The following TNKS variants were observed in gnomAD, a reference collection of about 807,000 sequenced individuals.
TNKS encodes tankyrase, also known as poly [ADP-ribose] polymerase tankyrase-1.
TNKS carries 72 observed loss-of-function variants against 135.8 expected under a neutral mutation model. The ratio of observed to expected loss-of-function variants is 0.53; its 90% CI spans 0.44 to 0.64. The LOEUF is 0.64. TNKS is among the 30% of genes least tolerant of loss of function. The probability of loss-of-function intolerance (pLI) is 0.00; values close to 1 mark genes in which losing one functional copy is unlikely to be tolerated. For missense variants in TNKS, 1,769 were observed against 1,674.0 expected (o/e 1.06, Z -0.99); for synonymous variants, 849 against 649.3 (o/e 1.31, Z -4.68).
intron 12 of TNKS, chr8:9,722,400 C>G (rs1804933046): frequency 6.6e-6 from 1 of 152,176 alleles, no homozygotes; most frequent in Non-Finnish European, 1.5e-5. Flanking sequence ...CATGCTAGGT[C>G]ATTCGTAGAT....
intron 12 of TNKS, 59 bp from the exon 13 acceptor site, chr8:9,726,582 T>G: frequency 8.0e-7 from 1 of 1,249,306 alleles, no homozygotes; most frequent in South Asian, 1.7e-5. Context: ...CCAAAATCAA[T>G]GCAGTTGGAA....
At position 9,611,072 on chromosome 8, in the gene TNKS, G is replaced by A. The variant is rs568861423; in HGVS notation, c.899-4510G>A. ...AAAATCGTGTGTCCTTCTTGACATA[G>A]CTCATTTGAAAATGGTGTTTGAATT... is the stretch of plus-strand genomic sequence containing the variant. On this transcript the variant is annotated intron_variant, in intron 2 of 26. Transcript: ENST00000310430. Among the ~76,000 whole-genome samples, 53 of 152,286 alleles carry A rather than the reference G, an allele frequency of 3.5e-4. No homozygotes were observed. The East Asian group carries it at 6.6e-3, about 19-fold the overall frequency.
chr8:9,562,538 A>G lies in TNKS; in HGVS notation c.673+5926A>G, dbSNP rs118168780. Among the ~76,000 whole-genome samples the G allele has an allele frequency of 3.5e-3, 527 of 152,250 alleles. 5 individuals carry two copies. The East Asian group carries it at 0.039, about 11-fold the overall frequency. On this transcript the variant is annotated intron_variant, in intron 1 of 26. Coordinates refer to ENST00000310430, the MANE Select transcript of TNKS (RefSeq NM_003747.3). The stretch of plus-strand genomic sequence containing the variant: ...GCATTTTTCTATTCATTCACTTTCA[A>G]TCAATCTGCCTTTATATTTAAAGTG...
intron 3 of TNKS, among the ~76,000 whole-genome samples, chr8:9,656,539 C>A (rs1158036312): frequency 1.3e-5 from 2 of 151,928 alleles, no homozygotes; most frequent in African/African-American, 2.4e-5. Flanking sequence ...AACAGCTGAT[C>A]TCTCGGCAGA....
At chr8:9,775,997 C>T (rs1808208732) in intron 26 of TNKS, among the ~76,000 whole-genome samples, 1 of 151,778 alleles carries the variant, frequency 6.6e-6, no homozygotes, top group African/African-American at 2.4e-5. Flanking sequence ...CTCCTTTTTC[C>T]TGCTCCCACC....
At position 9,720,427 on chromosome 8, in the gene TNKS, A is replaced by T. The variant is rs1262835052; in HGVS notation, c.1803A>T (p.Ala601=). 22 of 1,613,982 alleles carry T rather than the reference A, an allele frequency of 1.4e-5. No homozygotes were observed. Among genetic ancestry groups the T allele is most frequent in the Non-Finnish European group, 1.9e-5 (22 of 1,180,004 alleles). Residue 601 remains alanine, a synonymous_variant, in exon 12 of 27, where the codon GCA becomes GCT. Transcript: ENST00000310430. ...GQTALHRAAL[A]GHLQTCRLLL... ...CTGCTTTGCATAGAGCCGCCCTAGC[A>T]GGTCACCTGCAGACCTGCCGCCTCC...
At chr8:9,590,620 C>G (rs1378948792) in intron 2 of TNKS, among the ~76,000 whole-genome samples, 1 of 152,204 alleles carries the variant, frequency 6.6e-6, no homozygotes, top group Non-Finnish European at 1.5e-5. Flanking sequence ...AATGCCTACT[C>G]TGTGCCAGAA....
chr8:9,610,092 C>T (rs1389658024), intron 2 of TNKS, among the ~76,000 whole-genome samples: 3 of 152,068 alleles, frequency 2.0e-5, no homozygotes, highest in Non-Finnish European at 4.4e-5. Context: ...CTCCTGACTT[C>T]GTGATATGCT....
intron 1 of TNKS, chr8:9,558,686 A>G (rs1209641801): frequency 6.6e-6 from 1 of 152,186 alleles, no homozygotes; most frequent in East Asian, 1.9e-4. Context: ...TTTTATGTAT[A>G]TCCAGATAAG....
At chr8:9,690,750 C>T (rs1803228576) in intron 5 of TNKS, among the ~76,000 whole-genome samples, 1 of 152,182 alleles carries the variant, frequency 6.6e-6, no homozygotes. Context: ...ACTTGAATTA[C>T]AGAAACCTTG....
At chr8:9,721,316 T>C (rs547104647) in intron 12 of TNKS, among the ~76,000 whole-genome samples, 1 of 46,294 alleles carries the variant, frequency 2.2e-5, no homozygotes, top group African/African-American at 6.0e-5. Context: ...ATATATAAAA[T>C]TATAAAATTT....
chr8:9,659,661 T>A (rs2128786588), intron 3 of TNKS, among the ~76,000 whole-genome samples: 1 of 151,850 alleles, frequency 6.6e-6, no homozygotes, highest in South Asian at 2.1e-4. Context: ...CACCCTAACA[T>A]CACAATTAAA....
chr8:9,679,141 G>C (rs188588039), intron 3 of TNKS, among the ~76,000 whole-genome samples: 1 of 152,208 alleles, frequency 6.6e-6, no homozygotes, highest in East Asian at 1.9e-4. Flanking sequence ...TGATAAAATA[G>C]AATGGGGGAA....
intron 1 of TNKS, among the ~76,000 whole-genome samples, chr8:9,579,505 A>G (rs73535813): frequency 0.013 from 1,979 of 152,118 alleles, 40 homozygotes; most frequent in East Asian, 0.095. Context: ...GTCTCGCACT[A>G]TTGCCCAGGC....
chr8:9,653,993 G>A (rs1267914618), intron 3 of TNKS, among the ~76,000 whole-genome samples: 1 of 152,138 alleles, frequency 6.6e-6, no homozygotes, highest in Non-Finnish European at 1.5e-5. Flanking sequence ...TGAGGAATAT[G>A]GCCATTAGCA....
chr8:9,708,818 G>C (rs1279572191), intron 9 of TNKS, among the ~76,000 whole-genome samples: 1 of 151,450 alleles, frequency 6.6e-6, no homozygotes, highest in Non-Finnish European at 1.5e-5. Context: ...TCTTATGTTT[G>C]CTAGATAAAT....
rs1379664259 is a variant in TNKS at position 9,758,846 on chromosome 8, C to T, written c.3154-2670C>T. ...TCAAAACAGCACACATTTTGTGAGTCAGGAGTCTATGCACAGCTTAGTTGT... is the reference window on the plus strand; with the variant it reads ...TCAAAACAGCACACATTTTGTGAGTTAGGAGTCTATGCACAGCTTAGTTGT... On this transcript the variant is annotated intron_variant, in intron 20 of 26. Transcript: ENST00000310430. 2.0e-5 allele frequency among the ~76,000 whole-genome samples: 3 copies of T among 152,220 alleles called. No individual in the cohort carries two copies. The East Asian group carries it at 5.8e-4, about 29-fold the overall frequency.
rs775243357 is a variant in TNKS, at chr8:9,776,676, C to G, written c.3924C>G (p.Tyr1308Ter). The G allele has an allele frequency of 6.2e-7, 1 of 1,613,992 alleles. No individual in the cohort carries two copies. The highest frequency in any genetic ancestry group is 8.5e-7 in the Non-Finnish European group (1 of 1,179,920). ...CATACCCAGAGTATCTTATCACTTACCAGATCATGAAGCCAGAAGCCCCTT... is the reference window on the plus strand; with the variant it reads ...CATACCCAGAGTATCTTATCACTTAGCAGATCATGAAGCCAGAAGCCCCTT... ...EQAYPEYLIT[Y>*]QIMKPEAPSQ... The change falls in exon 27 of 27, where the codon TAC becomes TAG. Residue 1308 changes from tyrosine (Y) to a stop codon, truncating the protein, a stop_gained. Transcript: ENST00000310430. LOFTEE classifies it high-confidence loss of function.
intron 3 of TNKS, among the ~76,000 whole-genome samples, chr8:9,648,616 G>A (rs1365466051): frequency 6.6e-6 from 1 of 152,104 alleles, no homozygotes; most frequent in Non-Finnish European, 1.5e-5. Flanking sequence ...TTATACAACT[G>A]GCTGTGCAGG....
Sources: allele counts gnomAD v4.1 joint callset (sites outside exome capture counted in the v4.1 genomes callset), GRCh38; gene constraint gnomAD v4.1.1; transcripts MANE v1.5; gene names NCBI Gene and HGNC (gene_info 2026-07-23, HGNC 2026-07-21).